The following ACP2 variants were observed in gnomAD, a reference collection of about 807,000 sequenced individuals.
The protein encoded by ACP2 is acid phosphatase 2, lysosomal, also known as lysosomal acid phosphatase.
Under a neutral mutation model 54.7 loss-of-function variants are expected in ACP2, and 35 were observed. The ratio of observed to expected loss-of-function variants is 0.64; its 90% confidence interval spans 0.49 to 0.85. The LOEUF (loss-of-function observed/expected upper bound fraction) is 0.85. Among genes scored for constraint, ACP2 ranks in the 40% least tolerant of loss-of-function variants. ACP2 has a pLI of 0.00. For missense variants in ACP2, 492 were observed against 565.0 expected, an observed-to-expected ratio of 0.87 and a Z score of 1.31; for synonymous variants, 210 against 224.4, an observed-to-expected ratio of 0.94 and a Z score of 0.57.
intron 10 of ACP2, among the ~76,000 whole-genome samples, chr11:47,242,344 C>A (rs1953903484): frequency 6.6e-6 from 1 of 152,174 alleles, no homozygotes; most frequent in African/African-American, 2.4e-5. Context: ...GAAGAGGTGG[C>A]TCTCAGAGGT....
At chr11:47,240,320 T>C (rs1253750512) in intron 10 of ACP2, 71 bp from the exon 11 acceptor site, 5 of 802,054 alleles carry the variant, frequency 6.2e-6, no homozygotes, top group Non-Finnish European at 8.7e-6. Context: ...TTCTGACATA[T>C]AGGAGATACA....
intron 1 of ACP2, 78 bp downstream of exon 1, chr11:47,248,598 C>A: frequency 6.4e-7 from 1 of 1,554,248 alleles, no homozygotes; most frequent in East Asian, 2.4e-5. Flanking sequence ...TGTTCCTTCC[C>A]GAGATCCTCG....
At chr11:47,245,194 TG>T in intron 6 of ACP2, 110 bp downstream of exon 6, 1 of 1,224,824 alleles carries the variant, frequency 8.2e-7, no homozygotes, top group Non-Finnish European at 1.2e-6. Context: ...ACAGCCTCCC[TG>T]GACCTCCCCA....
chr11:47,246,597 C>G (rs971034351), intron 3 of ACP2, among the ~76,000 whole-genome samples: 1 of 151,030 alleles, frequency 6.6e-6, no homozygotes, highest in Non-Finnish European at 1.5e-5. Flanking sequence ...TATTTTGGGC[C>G]GGGCACGGTG....
chr11:47,248,590 T>C (rs1954327207), intron 1 of ACP2, 86 bp downstream of exon 1: 3 of 1,539,800 alleles, frequency 1.9e-6, no homozygotes, highest in Non-Finnish European at 1.8e-6. Context: ...AAACCAGCTG[T>C]TCCTTCCCGA....
chr11:47,245,208 G>T lies in ACP2; in HGVS notation c.639+97C>A, dbSNP rs930207388. The T allele has an allele frequency of 2.3e-6, 3 of 1,320,008 alleles. No homozygotes were observed. The African/African-American group carries it at 4.3e-5, about 19-fold the overall frequency. 81.8% of individuals were successfully genotyped at this position (1,320,008 alleles called of 1,614,324 possible). On this transcript the variant is annotated intron_variant, in intron 6 of 10. Coordinates refer to ENST00000672073, the MANE Select transcript of ACP2 (RefSeq NM_001610.4). ...CACAGCCTCCCTGGACCTCCCCAGGGGCGTGACGGTATCAGGCACTGTGTT... is the reference window on the plus strand; with the variant it reads ...CACAGCCTCCCTGGACCTCCCCAGGTGCGTGACGGTATCAGGCACTGTGTT...
At chr11:47,245,876 G>GTA in intron 3 of ACP2, 42 bp from the exon 4 acceptor site, 1 of 1,526,914 alleles carries the variant, frequency 6.5e-7, no homozygotes, top group Non-Finnish European at 8.8e-7. Context: ...GTGTGTGTGT[G>GTA]TGTGTGTGTT....
At chr11:47,244,619 T>G in intron 7 of ACP2, 116 bp downstream of exon 7, 1 of 766,378 alleles carries the variant, frequency 1.3e-6, no homozygotes, top group South Asian at 3.8e-5. Context: ...GGATTTGGTT[T>G]TGAAAGAGCA....
chr11:47,246,186 T>C (rs1015977449), intron 3 of ACP2, among the ~76,000 whole-genome samples: 13 of 152,174 alleles, frequency 8.5e-5, no homozygotes, highest in Non-Finnish European at 1.6e-4. Flanking sequence ...CTCTGGTCTG[T>C]CTGGTTTCAT....
chr11:47,243,194 C>T lies in ACP2; in HGVS notation c.855+45G>A, dbSNP rs188813852. ...GCAGGAACCGAACAGAGAAGAAATC[C>T]AGCTCCTTGCCTGACACAGCACGCT... On this transcript the variant is annotated intron_variant, in intron 8 of 10. Transcript: ENST00000672073. 6.2e-4 allele frequency: 997 copies of T among 1,613,552 alleles called. 3 individuals carry two copies. The Middle Eastern group carries it at 0.015, about 25-fold the overall frequency.
chr11:47,248,439 TGA>T, intron 1 of ACP2: 1 of 1,541,826 alleles, frequency 6.5e-7, no homozygotes, highest in Non-Finnish European at 8.7e-7. Context: ...TCTTTAGGGA[TGA>T]GTCTTAACCA....
rs370245869 is a variant in ACP2 at position 47,244,787 on chromosome 11, G to A, written c.720C>T (p.Phe240=). 2.0e-5 allele frequency: 33 copies of A among 1,613,004 alleles called. No homozygotes were observed. Among genetic ancestry groups the A allele is most frequent in the Non-Finnish European group, 2.6e-5 (31 of 1,179,284 alleles). ...QRLSRLKDFS[F]RFLFGIYQQA... ...GCTGGTAGATTCCGAAGAGGAAGCG[G>A]AAGCTGAAGTCCTTTAGCCGGCTGA... is the stretch of plus-strand genomic sequence containing the variant. Residue 240 remains phenylalanine (F), a synonymous_variant, in exon 7 of 11, where the codon TTC becomes TTT. Transcript: ENST00000672073.
At chr11:47,246,040 T>TCCTCTGG (rs1237210421) in intron 3 of ACP2, among the ~76,000 whole-genome samples, 2 of 152,276 alleles carry the variant, frequency 1.3e-5, no homozygotes, top group Non-Finnish European at 1.5e-5. Context: ...GCCCTCACCC[T>TCCTCTGG]CCTCTGGCCT....
chr11:47,242,744 C>A lies in ACP2; in HGVS notation c.1117G>T (p.Ala373Ser). The change falls in exon 10 of 11, where the codon GCA becomes TCA. Residue 373 changes from alanine (A) to serine (S), a missense_variant. Ala to Ser is a moderately conservative substitution (Grantham distance 99). Coordinates refer to ENST00000672073, the MANE Select transcript of ACP2 (RefSeq NM_001610.4). ...PKDWQQECQLASGPADTEVIV... is the reference protein window; with the variant it reads ...PKDWQQECQLSSGPADTEVIV... ...TCACCTGTGTCTGCAGGACCGCTTG[C>A]CAGCTGGCACTCCTGCTGCCAATCC... The A allele has an allele frequency of 6.2e-7, 1 of 1,613,716 alleles. No homozygotes were observed. The highest frequency in any genetic ancestry group is 8.5e-7 in the Non-Finnish European group (1 of 1,179,748).
Position 47,239,902 on chromosome 11 carries a change from T to G in ACP2, c.*214A>C. On this transcript the variant is annotated 3_prime_UTR_variant, in exon 11 of 11. Transcript: ENST00000672073. ...GCAAATCCTGTTTGGAGAAAGCCAG[T>G]GTCCAACACAGCACTTGGTAAACAT... 2 of 549,528 alleles carry G rather than the reference T, an allele frequency of 3.6e-6. No individual in the cohort carries two copies. The highest frequency in any genetic ancestry group is 4.8e-4 in the Middle Eastern group (1 of 2,084). 34.0% of individuals were successfully genotyped at this position (549,528 alleles called of 1,614,324 possible). A position where few individuals can be genotyped will look rare whatever the true frequency, so the allele number is the denominator to read the frequency against.
In ACP2 at chr11:47,243,124, G is replaced by A; in HGVS notation, c.856C>T (p.His286Tyr). 1 of 1,614,234 alleles carries A rather than the reference G, an allele frequency of 6.2e-7. No homozygotes were observed. The highest frequency in any genetic ancestry group is 1.3e-5 in the African/African-American group (1 of 75,072). Residue 286 changes from histidine (H) to tyrosine (Y), a missense_variant and splice_region_variant, in exon 9 of 11, where the codon CAC becomes TAC. Coordinates refer to ENST00000672073, the MANE Select transcript of ACP2 (RefSeq NM_001610.4). ...TGCAGGGCAACCAGGGTAGTGTCGT[G>A]CTGCGGGGGAGAGGGGCTGCCCGTC... ...QLPKLLVYSA[H>Y]DTTLVALQMA...
At chr11:47,248,379 A>C in intron 1 of ACP2, 1 of 1,457,026 alleles carries the variant, frequency 6.9e-7, no homozygotes. Context: ...AGAGAAGTGA[A>C]AGCAACGTAT....
At position 47,248,471 on chromosome 11, in the gene ACP2, C is replaced by G. The variant is rs1166255495; in HGVS notation, c.114+205G>C. On this transcript the variant is annotated intron_variant, in intron 1 of 10. Transcript: ENST00000672073. ...TAACCATTCAACCACTTCCCTGTCT[C>G]AAGGCAGACTCACCCCGACGTATTC... is the stretch of plus-strand genomic sequence containing the variant. 16 of 1,547,874 alleles carry G rather than the reference C, an allele frequency of 1.0e-5. No individual in the cohort carries two copies. The East Asian group carries it at 3.7e-4, about 35-fold the overall frequency.
chr11:47,243,180 A>G, intron 8 of ACP2, 56 bp from the exon 9 acceptor site: 1 of 1,613,538 alleles, frequency 6.2e-7, no homozygotes, highest in Non-Finnish European at 8.5e-7. Flanking sequence ...CAGGAACCGA[A>G]CAGAGAAGAA....
Sources: gnomAD v4.1 joint callset for allele counts (sites outside exome capture counted in the v4.1 genomes callset) on GRCh38, gnomAD v4.1.1 for gene constraint, MANE v1.5 for transcripts, NCBI Gene and HGNC (gene_info 2026-07-23, HGNC 2026-07-21) for gene names.